Variants in LRRIQ1 observed in about 807,000 individuals in gnomAD.
LRRIQ1 encodes leucine rich repeats and IQ motif containing 1.
In LRRIQ1, 210 loss-of-function variants were observed where a neutral mutation model predicts 211.9. The observed-to-expected ratio is 0.99, with a 90% CI of 0.89 to 1.11. LRRIQ1 has a LOEUF of 1.11. Among genes scored for constraint, LRRIQ1 ranks in the 50% most tolerant of loss-of-function variants. The pLI, the probability that LRRIQ1 is intolerant of heterozygous loss-of-function variation, is 0.00. For synonymous variants in LRRIQ1, 699 were observed against 650.1 expected (o/e 1.08, Z -1.14); for missense variants, 2,136 against 1,939.5 (o/e 1.10, Z -1.90).
chr12:85,145,521 G>A (rs1889832319), intron 19 of LRRIQ1, among the ~76,000 whole-genome samples: 1 of 146,768 alleles, frequency 6.8e-6, no homozygotes, highest in Non-Finnish European at 1.5e-5. Flanking sequence ...ACTCTAACAA[G>A]TTAGGATGCT....
intron 10 of LRRIQ1, among the ~76,000 whole-genome samples, chr12:85,068,375 A>T (rs1372391260): frequency 6.6e-6 from 1 of 151,828 alleles, no homozygotes; most frequent in Non-Finnish European, 1.5e-5. Context: ...GTTTGTGTAT[A>T]TTTTGTTTTT....
At chr12:85,118,048 C>G (rs1887703852) in intron 15 of LRRIQ1, among the ~76,000 whole-genome samples, 2 of 152,080 alleles carry the variant, frequency 1.3e-5, no homozygotes, top group African/African-American at 4.8e-5. Context: ...GAAGAAAGCC[C>G]TGGTCAAAGA....
chr12:85,142,493 A>C (rs1046714075), intron 19 of LRRIQ1, among the ~76,000 whole-genome samples: 14 of 151,524 alleles, frequency 9.2e-5, no homozygotes, highest in Non-Finnish European at 1.5e-5. Context: ...CGCTCTCAAC[A>C]TTTTTCAAGA....
At chr12:85,115,980 A>G (rs1441556398) in intron 15 of LRRIQ1, among the ~76,000 whole-genome samples, 1 of 152,110 alleles carries the variant, frequency 6.6e-6, no homozygotes, top group African/African-American at 2.4e-5. Context: ...TTTGAAATGT[A>G]CTCTCTAAAT....
intron 15 of LRRIQ1, among the ~76,000 whole-genome samples, chr12:85,114,891 A>G (rs1172903222): frequency 6.6e-6 from 1 of 152,194 alleles, no homozygotes; most frequent in Non-Finnish European, 1.5e-5. Context: ...AACTTTAAGC[A>G]GTGTATTCCA....
At chr12:85,048,624 A>C (rs538481719) in intron 6 of LRRIQ1, 3 of 152,146 alleles carry the variant, frequency 2.0e-5, no homozygotes, top group Admixed American at 6.5e-5. Flanking sequence ...TTGTAGAACC[A>C]GTTATGCCAT....
chr12:85,219,313 T>C (rs1378923765), intron 24 of LRRIQ1, among the ~76,000 whole-genome samples: 1 of 152,142 alleles, frequency 6.6e-6, no homozygotes, highest in African/African-American at 2.4e-5. Context: ...AGATTATTTA[T>C]TACAATTTGT....
intron 18 of LRRIQ1, among the ~76,000 whole-genome samples, chr12:85,136,420 A>G (rs6539882): frequency 0.28 from 43,115 of 151,706 alleles, 6,272 homozygotes; most frequent in Admixed American, 0.34. Flanking sequence ...TAGAAGTAGA[A>G]CATATTATGT....
At chr12:85,249,170 T>A (rs1286689662), downstream of LRRIQ1, among the ~76,000 whole-genome samples, 2 of 151,870 alleles carry the variant, frequency 1.3e-5, no homozygotes, top group Admixed American at 6.6e-5. Context: ...ACGAAATAGA[T>A]TGCTAGGAGT....
downstream of LRRIQ1, among the ~76,000 whole-genome samples, chr12:85,266,081 T>C (rs913876422): frequency 6.6e-6 from 1 of 152,102 alleles, no homozygotes; most frequent in African/African-American, 2.4e-5. Flanking sequence ...TAACCCTTGA[T>C]TTCCTGTACT....
intron 24 of LRRIQ1, among the ~76,000 whole-genome samples, chr12:85,192,633 T>A (rs1892608588): frequency 1.0e-5 from 1 of 99,150 alleles, no homozygotes; most frequent in South Asian, 2.8e-4. Flanking sequence ...TATAAATAAA[T>A]ATATATAGTT....
chr12:85,211,061 A>G (rs1298388058), intron 24 of LRRIQ1, among the ~76,000 whole-genome samples: 1 of 152,172 alleles, frequency 6.6e-6, no homozygotes, highest in Non-Finnish European at 1.5e-5. Context: ...TGATGCTCAT[A>G]TTTCTTCTTG....
chr12:85,124,341 T>A lies in LRRIQ1; in HGVS notation c.3829T>A (p.Leu1277Ile). The A allele has an allele frequency of 5.0e-6, 8 of 1,614,066 alleles. No homozygotes were observed. The highest frequency in any genetic ancestry group is 6.8e-6 in the Non-Finnish European group (8 of 1,180,028). Reference sequence around the variant, plus strand: ...GGACTCTGTCTCCAGCCACTCCCCATTAAGCAAATCCGCCACATGTGAAAA... The same window carrying A: ...GGACTCTGTCTCCAGCCACTCCCCAATAAGCAAATCCGCCACATGTGAAAA... ...WMDSVSSHSP[L>I]SKSATCENME... The change falls in exon 17 of 27, where the codon TTA becomes ATA. Residue 1277 changes from leucine (L) to isoleucine (I), a missense_variant. By Grantham distance (5) the Leu-to-Ile change is conservative. Transcript: ENST00000393217.
intron 24 of LRRIQ1, among the ~76,000 whole-genome samples, chr12:85,186,094 G>A (rs1026424861): frequency 6.6e-6 from 1 of 151,972 alleles, no homozygotes; most frequent in Non-Finnish European, 1.5e-5. Context: ...ATGCAATTAA[G>A]TTACAAATGC....
intron 17 of LRRIQ1, among the ~76,000 whole-genome samples, chr12:85,125,592 TCC>T (rs1433098068): frequency 3.5e-4 from 53 of 152,278 alleles, no homozygotes; most frequent in African/African-American, 1.1e-3. Flanking sequence ...TTCCCAGTCT[TCC>T]TTTTTTCAAA....
chr12:85,150,555 G>T (rs1220266097), intron 19 of LRRIQ1, among the ~76,000 whole-genome samples: 1 of 151,766 alleles, frequency 6.6e-6, no homozygotes, highest in East Asian at 1.9e-4. Flanking sequence ...AACATAAATG[G>T]CTTAAATACA....
chr12:85,098,931 C>T lies in LRRIQ1; in HGVS notation c.3146C>T (p.Thr1049Ile). ...CACTTGGATGATAACAGCATTTCAA[C>T]TGTGGAAGCATTTTCTTCATACTGG... is the stretch of plus-strand genomic sequence containing the variant. ...ELHLDDNSIS[T>I]VEAFSSYWLP... The change falls in exon 13 of 27, where the codon ACT becomes ATT. Residue 1049 changes from threonine to isoleucine, a missense_variant. Coordinates refer to ENST00000393217, the MANE Select transcript of LRRIQ1 (RefSeq NM_001079910.2). 2 of 1,573,816 alleles carry T rather than the reference C, an allele frequency of 1.3e-6. No homozygotes were observed. The highest frequency in any genetic ancestry group is 2.7e-5 in the African/African-American group (2 of 73,204).
chr12:85,203,404 T>A (rs1241704044), intron 24 of LRRIQ1, among the ~76,000 whole-genome samples: 12 of 152,150 alleles, frequency 7.9e-5, no homozygotes, highest in Admixed American at 6.6e-5. Context: ...GCTGAAAAGA[T>A]ACCGAAAAAT....
chr12:85,065,115 CA>C (rs1882292039), intron 8 of LRRIQ1, 146 bp from the exon 9 acceptor site: 1 of 582,344 alleles, frequency 1.7e-6, no homozygotes, highest in Non-Finnish European at 2.7e-6. Flanking sequence ...GATAGCTTAA[CA>C]AATTGAGTTG....
Sources: gnomAD v4.1 joint callset for allele counts (sites outside exome capture counted in the v4.1 genomes callset) on GRCh38, gnomAD v4.1.1 for gene constraint, MANE v1.5 for transcripts, NCBI Gene and HGNC (gene_info 2026-07-23, HGNC 2026-07-21) for gene names.